The following NELL1 variants were observed in gnomAD, a reference collection of about 807,000 sequenced individuals.
The protein encoded by NELL1 is neural EGFL like 1.
In NELL1, 76 loss-of-function variants were observed where a neutral mutation model predicts 107.4. The ratio of observed to expected loss-of-function variants is 0.71; its 90% confidence interval spans 0.59 to 0.86. NELL1 has a LOEUF of 0.86. Among genes scored for constraint, NELL1 ranks in the 40% least tolerant of loss-of-function variants. The pLI is 0.00. For missense variants in NELL1, 1,024 were observed against 1,005.5 expected, an observed-to-expected ratio of 1.02 and a Z score of -0.25; for synonymous variants, 353 against 341.2, an observed-to-expected ratio of 1.03 and a Z score of -0.38.
intron 14 of NELL1, among the ~76,000 whole-genome samples, chr11:21,235,970 C>T (rs1256838441): frequency 1.3e-5 from 2 of 152,032 alleles, no homozygotes; most frequent in African/African-American, 4.8e-5. Context: ...ATAGTTTGAA[C>T]CTCATCTCTT....
chr11:20,781,058 A>G (rs565162733), intron 2 of NELL1, among the ~76,000 whole-genome samples: 1 of 152,294 alleles, frequency 6.6e-6, no homozygotes, highest in East Asian at 1.9e-4. Flanking sequence ...AGAATGGTGA[A>G]AAGAAGGCAG....
At chr11:21,183,650 A>G (rs1166937125) in intron 13 of NELL1, among the ~76,000 whole-genome samples, 5 of 151,786 alleles carry the variant, frequency 3.3e-5, no homozygotes, top group Non-Finnish European at 7.3e-5. Context: ...TGAGATTTTC[A>G]CTCGTATTTC....
At chr11:20,737,598 T>A (rs539722417) in intron 2 of NELL1, among the ~76,000 whole-genome samples, 2 of 152,212 alleles carry the variant, frequency 1.3e-5, no homozygotes, top group South Asian at 4.1e-4. Flanking sequence ...GATTAAGGAA[T>A]ACAGTGCCTG....
At chr11:21,097,218 A>T (rs181218655) in intron 12 of NELL1, among the ~76,000 whole-genome samples, 2 of 152,224 alleles carry the variant, frequency 1.3e-5, no homozygotes, top group Admixed American at 1.3e-4. Context: ...TGACTGTCAG[A>T]TTTACCCTTC....
intron 15 of NELL1, among the ~76,000 whole-genome samples, chr11:21,458,255 T>A (rs975838364): frequency 6.6e-6 from 1 of 151,802 alleles, no homozygotes; most frequent in African/African-American, 2.4e-5. Flanking sequence ...ATCTCTTTCA[T>A]ACACAGCTAG....
At chr11:20,850,074 A>G (rs906654373) in intron 4 of NELL1, among the ~76,000 whole-genome samples, 2 of 152,192 alleles carry the variant, frequency 1.3e-5, no homozygotes, top group African/African-American at 2.4e-5. Flanking sequence ...AAGTCGTGGA[A>G]GACCAGTTAC....
chr11:21,379,555 A>G (rs1200028902), intron 15 of NELL1, among the ~76,000 whole-genome samples: 1 of 152,094 alleles, frequency 6.6e-6, no homozygotes, highest in East Asian at 1.9e-4. Flanking sequence ...TGTTTTGCTT[A>G]TATGATTTTC....
At chr11:21,351,564 G>C (rs1850816722) in intron 14 of NELL1, among the ~76,000 whole-genome samples, 1 of 151,568 alleles carries the variant, frequency 6.6e-6, no homozygotes, top group South Asian at 2.1e-4. Flanking sequence ...TAATTCTATA[G>C]GTGGAAGGAA....
chr11:21,394,691 T>C (rs1425540022), intron 15 of NELL1, among the ~76,000 whole-genome samples: 2 of 151,494 alleles, frequency 1.3e-5, no homozygotes, highest in African/African-American at 4.8e-5. Context: ...AATAAACACA[T>C]AGCTGAAATT....
intron 12 of NELL1, among the ~76,000 whole-genome samples, chr11:21,036,679 A>G (rs985905653): frequency 6.6e-6 from 1 of 151,906 alleles, no homozygotes; most frequent in Admixed American, 6.6e-5. Context: ...CAGTTAATGA[A>G]TTCTTCCTTT....
intron 15 of NELL1, among the ~76,000 whole-genome samples, chr11:21,433,476 T>G (rs1175260137): frequency 1.3e-5 from 2 of 152,198 alleles, no homozygotes; most frequent in Non-Finnish European, 2.9e-5. Context: ...AATGGCTGTA[T>G]TAATTTACAT....
chr11:21,553,694 T>C (rs1856642659), intron 16 of NELL1, among the ~76,000 whole-genome samples: 1 of 151,838 alleles, frequency 6.6e-6, no homozygotes, highest in Non-Finnish European at 1.5e-5. Flanking sequence ...TATGCATTTC[T>C]TATTAGGTGA....
chr11:21,360,320 C>T (rs530342938), intron 14 of NELL1, among the ~76,000 whole-genome samples: 4 of 152,080 alleles, frequency 2.6e-5, no homozygotes, highest in Non-Finnish European at 5.9e-5. Context: ...TTGGAGTTGA[C>T]TTCCAGTTTT....
chr11:21,473,131 T>G (rs903267614), intron 15 of NELL1, among the ~76,000 whole-genome samples: 1 of 151,998 alleles, frequency 6.6e-6, no homozygotes, highest in African/African-American at 2.4e-5. Context: ...TGCTAGAGAA[T>G]CAGGGAAGCT....
chr11:21,307,368 T>C (rs1849628599), intron 14 of NELL1, among the ~76,000 whole-genome samples: 1 of 151,598 alleles, frequency 6.6e-6, no homozygotes, highest in Non-Finnish European at 1.5e-5. Flanking sequence ...ACATGTGTAT[T>C]GATAAGATAA....
chr11:21,049,867 G>A (rs1413132590), intron 12 of NELL1, among the ~76,000 whole-genome samples: 3 of 151,922 alleles, frequency 2.0e-5, no homozygotes, highest in South Asian at 4.2e-4. Context: ...TAGTAGAGAC[G>A]GTGTTTCACC....
At chr11:21,359,439 A>C (rs1851021577) in intron 14 of NELL1, among the ~76,000 whole-genome samples, 1 of 152,140 alleles carries the variant, frequency 6.6e-6, no homozygotes, top group Non-Finnish European at 1.5e-5. Context: ...ATCTATGTTC[A>C]CCAGGGATAT....
intron 15 of NELL1, among the ~76,000 whole-genome samples, chr11:21,408,088 C>T (rs138725823): frequency 6.6e-6 from 1 of 151,990 alleles, no homozygotes; most frequent in East Asian, 2.0e-4. Context: ...TTATTGTGCT[C>T]ATGGAGAGCA....
At chr11:21,254,057 A>T (rs568794712) in intron 14 of NELL1, among the ~76,000 whole-genome samples, 2 of 152,072 alleles carry the variant, frequency 1.3e-5, no homozygotes, top group African/African-American at 4.8e-5. Flanking sequence ...AAGAAAATCC[A>T]TGTAAAGGAA....
Sources: gnomAD v4.1 joint callset for allele counts (sites outside exome capture counted in the v4.1 genomes callset) on GRCh38, gnomAD v4.1.1 for gene constraint, MANE v1.5 for transcripts, NCBI Gene and HGNC (gene_info 2026-07-23, HGNC 2026-07-21) for gene names.